Variants in ABHD2 observed in about 807,000 individuals in gnomAD.
ABHD2 encodes the protein monoacylglycerol lipase ABHD2.
Under a neutral mutation model 48.1 loss-of-function variants are expected in ABHD2, and 20 were observed. That is an observed-to-expected ratio of 0.42 (90% CI 0.29 to 0.60). The LOEUF (loss-of-function observed/expected upper bound fraction) is 0.60, where lower values mean the gene tolerates loss of function less well. ABHD2 is among the 20% of genes least tolerant of loss of function. The pLI, the probability that ABHD2 is intolerant of heterozygous loss-of-function variation, is 0.24. For missense variants in ABHD2, 405 were observed against 550.9 expected (o/e 0.74, Z 2.65); for synonymous variants, 209 against 214.2 (o/e 0.98, Z 0.21).
At chr15:89,056,551 G>C in the ABHD2 span, among the ~76,000 whole-genome samples, 1 of 152,160 alleles carries the variant, frequency 6.6e-6, no homozygotes, top group African/African-American at 2.4e-5. Flanking sequence ...GCTGAGGCAG[G>C]AGAATGACGT....
At chr15:89,112,309 A>G (rs1197089760) in intron 1 of ABHD2, among the ~76,000 whole-genome samples, 1 of 152,244 alleles carries the variant, frequency 6.6e-6, no homozygotes, top group Non-Finnish European at 1.5e-5. Context: ...TGTTAATAAT[A>G]TGGCAATGAA....
chr15:89,072,145 G>A, the ABHD2 span, among the ~76,000 whole-genome samples: 1 of 152,302 alleles, frequency 6.6e-6, no homozygotes, highest in Admixed American at 6.5e-5. Flanking sequence ...TGAGGAGGAA[G>A]ATAGCTGACC....
intron 8 of ABHD2, 112 bp from the exon 9 acceptor site, chr15:89,190,967 TA>T (rs2051293401): frequency 1.0e-6 from 1 of 992,432 alleles, no homozygotes; most frequent in Non-Finnish European, 1.5e-6. Context: ...CTGTCTACTC[TA>T]CCAATGCCAC....
At chr15:89,060,284 T>A in the ABHD2 span, among the ~76,000 whole-genome samples, 1 of 151,428 alleles carries the variant, frequency 6.6e-6, no homozygotes, top group African/African-American at 2.4e-5. Context: ...AGAGACAGGG[T>A]TTCACCATAT....
At chr15:89,191,195 C>G (rs71405637) in intron 9 of ABHD2, 46 bp downstream of exon 9, 1 of 1,591,740 alleles carries the variant, frequency 6.3e-7, no homozygotes, top group East Asian at 2.2e-5. Flanking sequence ...TCCACCCAGC[C>G]TCGCACACAA....
At chr15:89,125,606 A>G (rs926101354) in intron 3 of ABHD2, among the ~76,000 whole-genome samples, 1 of 152,198 alleles carries the variant, frequency 6.6e-6, no homozygotes, top group Non-Finnish European at 1.5e-5. Flanking sequence ...CTGACCAAAC[A>G]TTCCAGTTTG....
intron 1 of ABHD2, among the ~76,000 whole-genome samples, chr15:89,096,731 G>A (rs992223136): frequency 4.6e-5 from 7 of 152,248 alleles, no homozygotes; most frequent in Non-Finnish European, 7.3e-5. Context: ...CCCAAAGAGA[G>A]TGACAAAAGT....
intron 9 of ABHD2, among the ~76,000 whole-genome samples, chr15:89,192,892 G>A (rs555993950): frequency 1.4e-4 from 21 of 152,276 alleles, no homozygotes; most frequent in African/African-American, 4.8e-4. Flanking sequence ...GGTATGGAGT[G>A]CACTTCATTT....
rs145099723 is a variant in ABHD2, at chr15:89,117,118, C to T, written c.194+597C>T. On this transcript the variant is annotated intron_variant, in intron 3 of 10. Coordinates refer to ENST00000352732, the MANE Select transcript of ABHD2 (RefSeq NM_152924.5). The stretch of plus-strand genomic sequence containing the variant: ...TCGACTCACTGCAACCTCCACCTCC[C>T]GGGTTCAAGCGATTCTGGTGTCTCA... Among the ~76,000 whole-genome samples the T allele has an allele frequency of 8.7e-3, 1,321 of 152,252 alleles. 19 individuals are homozygous for T. The highest frequency in any genetic ancestry group is 0.03 in the African/African-American group (1,255 of 41,546).
chr15:89,201,619 TCA>T lies in ABHD2; in HGVS notation c.*6201_*6202del, dbSNP rs1211334081. 1.3e-6 allele frequency: 2 copies of T among 1,594,936 alleles called. No individual in the cohort carries two copies. Among genetic ancestry groups the T allele is most frequent in the Non-Finnish European group, 1.7e-6 (2 of 1,162,686 alleles). ...GGGTCAATAATTCCACTGTTGGGCC[TCA>T]CACAGTACCGGTGAGGCACGGTAGT... On this transcript the variant is annotated 3_prime_UTR_variant, in exon 11 of 11. Transcript: ENST00000352732.
intron 1 of ABHD2, among the ~76,000 whole-genome samples, chr15:89,105,325 G>T (rs1181114600): frequency 6.6e-6 from 1 of 152,190 alleles, no homozygotes; most frequent in Non-Finnish European, 1.5e-5. Context: ...GAAGCTCATG[G>T]GTTAGTAGCC....
At position 89,188,367 on chromosome 15, in the gene ABHD2, C is replaced by A; in HGVS notation, c.926+64C>A. On this transcript the variant is annotated intron_variant, in intron 8 of 10. Coordinates refer to ENST00000352732, the MANE Select transcript of ABHD2 (RefSeq NM_152924.5). The surrounding 1 kb of genome is among the most constrained non-coding windows in gnomAD (Gnocchi z 4.1). ...GGGTGCCAGGCAGGAGGCTGCAGGT[C>A]AGCTGTGCCCAGCACTAGTGTTTGC... 3 of 1,409,472 alleles carry A rather than the reference C, an allele frequency of 2.1e-6. No individual in the cohort carries two copies. Among genetic ancestry groups the A allele is most frequent in the South Asian group, 1.2e-5 (1 of 85,818 alleles). 87.3% of individuals were successfully genotyped at this position (1,409,472 alleles called of 1,614,324 possible). A position where few individuals can be genotyped will look rare whatever the true frequency, so the allele number is the denominator to read the frequency against.
the ABHD2 span, among the ~76,000 whole-genome samples, chr15:89,046,735 G>A: frequency 1.3e-5 from 2 of 152,094 alleles, no homozygotes; most frequent in African/African-American, 2.4e-5. Flanking sequence ...CTGTGGGATC[G>A]GTGGTGATAT....
chr15:89,130,940 A>G (rs1337112141), intron 3 of ABHD2, among the ~76,000 whole-genome samples: 2 of 152,130 alleles, frequency 1.3e-5, no homozygotes, highest in East Asian at 1.9e-4. Flanking sequence ...GAGGAGAATA[A>G]TCATGGCCAC....
chr15:89,082,406 C>T, the ABHD2 span: 6 of 152,162 alleles, frequency 3.9e-5, no homozygotes, highest in Non-Finnish European at 8.8e-5. The surrounding 1 kb of genome is among the most constrained non-coding windows in gnomAD (Gnocchi z 4.4). Context: ...ACCACCAGCC[C>T]CATCCATTTT....
the ABHD2 span, among the ~76,000 whole-genome samples, chr15:89,076,780 A>G: frequency 6.6e-6 from 1 of 152,186 alleles, no homozygotes; most frequent in Admixed American, 6.5e-5. Context: ...CATAATACCC[A>G]GCTACGGTTT....
rs2051255895 is a variant in ABHD2 at position 89,188,766 on chromosome 15, G to C, written c.926+463G>C. ...GTGTCTCATGCCTGTAATCCTAGGA[G>C]GATTTGGGAGGTCATGGGGGAAAGA... On this transcript the variant is annotated intron_variant, in intron 8 of 10. Transcript: ENST00000352732. The surrounding 1 kb of genome is among the most constrained non-coding windows in gnomAD (Gnocchi z 4.1). Among the ~76,000 whole-genome samples, 1 of 151,972 alleles carries C rather than the reference G, an allele frequency of 6.6e-6. No individual in the cohort carries two copies.
At chr15:89,063,301 C>T in the ABHD2 span, among the ~76,000 whole-genome samples, 2 of 151,386 alleles carry the variant, frequency 1.3e-5, no homozygotes, top group African/African-American at 4.8e-5. Context: ...GTATGGAATT[C>T]CTTTCTTTTG....
chr15:89,198,209 A>C lies in ABHD2; in HGVS notation c.*2786A>C, dbSNP rs1046453425. 3 of 152,226 alleles carry C rather than the reference A, an allele frequency of 2.0e-5. No individual in the cohort carries two copies. In the East Asian group the frequency reaches 5.8e-4, roughly 29 times the overall value. 9.4% of individuals were successfully genotyped at this position (152,226 alleles called of 1,614,324 possible). On this transcript the variant is annotated 3_prime_UTR_variant, in exon 11 of 11. Coordinates refer to ENST00000352732, the MANE Select transcript of ABHD2 (RefSeq NM_152924.5). The surrounding 1 kb of genome is among the most constrained non-coding windows in gnomAD (Gnocchi z 5.1). Reference sequence around the variant, plus strand: ...TAAAGAGTATTTGAATATATTTTAGAATCAAATTGAGGCTATAAATTGCAT... The same window carrying C: ...TAAAGAGTATTTGAATATATTTTAGCATCAAATTGAGGCTATAAATTGCAT...
Sources: allele counts gnomAD v4.1 joint callset (sites outside exome capture counted in the v4.1 genomes callset), GRCh38; gene constraint gnomAD v4.1.1; non-coding constraint Gnocchi (gnomAD v3.1); transcripts MANE v1.5; gene names NCBI Gene and HGNC (gene_info 2026-07-23, HGNC 2026-07-21).